The following CNTN4 variants were observed in gnomAD, a reference collection of about 807,000 sequenced individuals.
CNTN4 encodes the protein contactin 4, also known as contactin-4.
A neutral mutation model predicts 122.5 loss-of-function variants in CNTN4; 77 were observed. The observed-to-expected ratio is 0.63, with a 90% CI of 0.52 to 0.76. CNTN4 has a LOEUF of 0.76. CNTN4 is among the 30% of genes least tolerant of loss of function. The pLI is 0.00. For missense variants in CNTN4, 1,256 were observed against 1,259.1 expected, an observed-to-expected ratio of 1.00 and a Z score of 0.04; for synonymous variants, 512 against 447.0, an observed-to-expected ratio of 1.15 and a Z score of -1.83.
chr3:2,145,772 C>T (rs1007084756), intron 2 of CNTN4, among the ~76,000 whole-genome samples: 5 of 151,242 alleles, frequency 3.3e-5, no homozygotes, highest in South Asian at 2.1e-4. Flanking sequence ...CAGCACTTTA[C>T]GTAGGGTTTC....
intron 4 of CNTN4, among the ~76,000 whole-genome samples, chr3:2,589,389 C>G (rs1009517507): frequency 1.3e-5 from 2 of 152,272 alleles, no homozygotes; most frequent in South Asian, 2.1e-4. Flanking sequence ...AAAGTGCAAT[C>G]TTGTTTCTGT....
intron 4 of CNTN4, among the ~76,000 whole-genome samples, chr3:2,696,357 T>C (rs2086034423): frequency 6.6e-6 from 1 of 152,226 alleles, no homozygotes; most frequent in African/African-American, 2.4e-5. Context: ...AGAGATGAAG[T>C]CTTTTGGGAA....
At chr3:2,747,166 T>C (rs1429025693) in intron 6 of CNTN4, among the ~76,000 whole-genome samples, 1 of 151,894 alleles carries the variant, frequency 6.6e-6, no homozygotes, top group East Asian at 1.9e-4. Context: ...TCCCAGCATT[T>C]TGGGAGGCCG....
At chr3:2,720,863 C>T (rs1211653505) in intron 4 of CNTN4, among the ~76,000 whole-genome samples, 2 of 152,200 alleles carry the variant, frequency 1.3e-5, no homozygotes, top group African/African-American at 4.8e-5. Flanking sequence ...AGTTGAGGCA[C>T]AAAGTCTAAG....
At chr3:2,473,231 C>CAAAA (rs769320613) in intron 3 of CNTN4, among the ~76,000 whole-genome samples, 7 of 51,344 alleles carry the variant, frequency 1.4e-4, no homozygotes, top group Admixed American at 4.6e-4. Flanking sequence ...AACTCCATCT[C>CAAAA]AAAAAAAAAA....
chr3:2,988,402 T>C lies in CNTN4; in HGVS notation c.1416T>C (p.Ala472=). 1 of 1,613,782 alleles carries C rather than the reference T, an allele frequency of 6.2e-7. No individual in the cohort carries two copies. Among genetic ancestry groups the C allele is most frequent in the Non-Finnish European group, 8.5e-7 (1 of 1,179,750 alleles). Residue 472 remains alanine, a synonymous_variant, in exon 14 of 25, where the codon GCT becomes GCC. Coordinates refer to ENST00000418658, the MANE Select transcript of CNTN4 (RefSeq NM_175607.3). ...LRIINVTKSD[A]GSYTCIATNH... The stretch of plus-strand genomic sequence containing the variant: ...TCATCAACGTTACTAAATCAGACGC[T>C]GGGAGTTATACCTGTATAGCCACTA...
Position 2,823,931 on chromosome 3 carries a change from T to C in CNTN4, c.454+4350T>C, listed in dbSNP as rs1242057373. ...TAAAATCTCAGACCCCACTACAGCCTACTGAATTGGAACTTGCATTTTAAT... is the reference window on the plus strand; with the variant it reads ...TAAAATCTCAGACCCCACTACAGCCCACTGAATTGGAACTTGCATTTTAAT... On this transcript the variant is annotated intron_variant, in intron 7 of 24. Coordinates refer to ENST00000418658, the MANE Select transcript of CNTN4 (RefSeq NM_175607.3). Among the ~76,000 whole-genome samples the C allele has an allele frequency of 3.3e-5, 5 of 152,144 alleles. No individual in the cohort carries two copies. In the East Asian group the frequency reaches 9.6e-4, roughly 29 times the overall value.
intron 4 of CNTN4, among the ~76,000 whole-genome samples, chr3:2,654,129 G>T (rs11129229): frequency 0.38 from 57,311 of 152,006 alleles, 13,204 homozygotes; most frequent in East Asian, 0.65. Flanking sequence ...TTCCCTTCAG[G>T]GGATGAGCTT....
chr3:2,964,163 C>A (rs1449183554), intron 13 of CNTN4, among the ~76,000 whole-genome samples: 1 of 152,106 alleles, frequency 6.6e-6, no homozygotes, highest in African/African-American at 2.4e-5. Context: ...GACTGATACA[C>A]AATATGTGAG....
chr3:2,663,503 A>AC (rs5846204), intron 4 of CNTN4, among the ~76,000 whole-genome samples: 28,445 of 152,122 alleles, frequency 0.19, 2,899 homozygotes, highest in South Asian at 0.33. Flanking sequence ...AGGAACTCAT[A>AC]AGGGTCTGAA....
At chr3:2,878,714 A>G (rs1049652927) in intron 8 of CNTN4, among the ~76,000 whole-genome samples, 23 of 152,166 alleles carry the variant, frequency 1.5e-4, no homozygotes, top group African/African-American at 4.8e-4. Context: ...CTGAACACCT[A>G]CAAGTGAAGA....
chr3:2,525,544 G>A (rs2077370528), intron 3 of CNTN4, among the ~76,000 whole-genome samples: 1 of 152,048 alleles, frequency 6.6e-6, no homozygotes, highest in Non-Finnish European at 1.5e-5. Flanking sequence ...TAGGTTATTG[G>A]CATACCTTTG....
At chr3:2,724,264 C>T (rs1266196276) in intron 4 of CNTN4, among the ~76,000 whole-genome samples, 2 of 152,030 alleles carry the variant, frequency 1.3e-5, no homozygotes, top group Admixed American at 6.5e-5. Flanking sequence ...TTGGATTTCC[C>T]GACAAACTTT....
chr3:2,495,987 C>T (rs978670058), intron 3 of CNTN4, among the ~76,000 whole-genome samples: 28 of 152,212 alleles, frequency 1.8e-4, no homozygotes, highest in African/African-American at 6.8e-4. Context: ...TCTTCTGTCC[C>T]TAACCATCCA....
intron 3 of CNTN4, among the ~76,000 whole-genome samples, chr3:2,416,597 C>T (rs951492894): frequency 6.6e-6 from 1 of 152,150 alleles, no homozygotes; most frequent in African/African-American, 2.4e-5. Context: ...GCCACTCTTG[C>T]TTCTGAAAAT....
chr3:2,969,516 G>A (rs1559733216), intron 13 of CNTN4, among the ~76,000 whole-genome samples: 1 of 121,466 alleles, frequency 8.2e-6, no homozygotes, highest in Non-Finnish European at 1.5e-5. Flanking sequence ...GGAAAATTGG[G>A]ATTATTATTA....
intron 15 of CNTN4, among the ~76,000 whole-genome samples, chr3:3,029,004 G>A (rs999845702): frequency 9.2e-5 from 14 of 152,156 alleles, no homozygotes; most frequent in African/African-American, 7.2e-5. Flanking sequence ...AGTGTACTAC[G>A]GTCCTGAGTC....
At chr3:2,448,483 A>C (rs2048706415) in intron 3 of CNTN4, among the ~76,000 whole-genome samples, 1 of 152,196 alleles carries the variant, frequency 6.6e-6, no homozygotes, top group African/African-American at 2.4e-5. Context: ...AACTCAACTC[A>C]AATGAACTTG....
intron 2 of CNTN4, among the ~76,000 whole-genome samples, chr3:2,336,556 C>T (rs920630848): frequency 6.6e-6 from 1 of 152,150 alleles, no homozygotes; most frequent in Non-Finnish European, 1.5e-5. Flanking sequence ...AACTTAGCTT[C>T]AGTGGGCTTA....
Sources: gnomAD v4.1 joint callset for allele counts (sites outside exome capture counted in the v4.1 genomes callset) on GRCh38, gnomAD v4.1.1 for gene constraint, MANE v1.5 for transcripts, NCBI Gene and HGNC (gene_info 2026-07-23, HGNC 2026-07-21) for gene names.